PPIP5K2: variants seen among roughly 807,000 people sequenced by gnomAD.
PPIP5K2 encodes the protein inositol hexakisphosphate and diphosphoinositol-pentakisphosphate kinase 2.
In PPIP5K2, 105 loss-of-function variants were observed where a neutral mutation model predicts 154.6. The observed-to-expected ratio is 0.68, with a 90% CI of 0.58 to 0.80. PPIP5K2 has a LOEUF of 0.80. Ranked by LOEUF, PPIP5K2 falls within the 30% of genes least tolerant of loss-of-function variation. The pLI is 0.00. For synonymous variants in PPIP5K2, 480 were observed against 490.3 expected (o/e 0.98, Z 0.28); for missense variants, 992 against 1,504.6 (o/e 0.66, Z 5.64).
chr5:103,152,662 G>A lies in PPIP5K2; in HGVS notation c.1043G>A (p.Arg348Gln). ...CAKILGNIVM[R>Q]ELAPQFHIPW... The stretch of plus-strand genomic sequence containing the variant: ...TTGTCTTGAAGAAATATTGTAATGC[G>A]AGAACTTGCTCCACAATTTCATATT... Residue 348 changes from arginine (R) to glutamine (Q), a missense_variant, in exon 10 of 31, where the codon CGA (arginine) becomes CAA (glutamine). Physicochemically the swap from Arg to Gln is conservative, Grantham distance 43. This residue lies in a region of PPIP5K2 where 163 missense variants were observed against 285.2 expected (regional missense o/e 0.57). Coordinates refer to ENST00000358359, the MANE Select transcript of PPIP5K2 (RefSeq NM_001276277.3). 1.3e-6 allele frequency: 2 copies of A among 1,589,434 alleles called. No homozygotes were observed. The highest frequency in any genetic ancestry group is 1.7e-6 in the Non-Finnish European group (2 of 1,158,896).
At chr5:103,197,322 T>G (rs1802242429) in intron 30 of PPIP5K2, among the ~76,000 whole-genome samples, 1 of 152,072 alleles carries the variant, frequency 6.6e-6, no homozygotes, top group Non-Finnish European at 1.5e-5. Context: ...GTTTCCTTTT[T>G]GTGATACTTT....
At chr5:103,181,517 G>A (rs1194697428) in intron 24 of PPIP5K2, among the ~76,000 whole-genome samples, 1 of 151,846 alleles carries the variant, frequency 6.6e-6, no homozygotes, top group East Asian at 1.9e-4. Flanking sequence ...GCAGTGAGCC[G>A]AGACCACCCC....
At chr5:103,167,350 A>G in intron 18 of PPIP5K2, 30 bp downstream of exon 18, 1 of 1,483,756 alleles carries the variant, frequency 6.7e-7, no homozygotes. Context: ...AGCATAGAAC[A>G]AATAAAAGTT....
At chr5:103,174,090 T>C (rs1329182410) in intron 21 of PPIP5K2, 118 bp downstream of exon 21, 2 of 781,402 alleles carry the variant, frequency 2.6e-6, no homozygotes, top group African/African-American at 3.5e-5. Context: ...CTACTTAATG[T>C]CGTCTTTCAA....
Position 103,202,457 on chromosome 5 carries a change from A to G in PPIP5K2, c.*823A>G, listed in dbSNP as rs1284143467. Reference sequence around the variant, plus strand: ...TTCAGAGTTCTTTTTAGATCTAAAGAAGTCAGTTCAAAAATGGAAATCAAC... The same window carrying G: ...TTCAGAGTTCTTTTTAGATCTAAAGGAGTCAGTTCAAAAATGGAAATCAAC... On this transcript the variant is annotated 3_prime_UTR_variant, in exon 31 of 31. Coordinates refer to ENST00000358359, the MANE Select transcript of PPIP5K2 (RefSeq NM_001276277.3). The G allele has an allele frequency of 1.3e-5, 2 of 152,130 alleles. No individual in the cohort carries two copies. Among genetic ancestry groups the G allele is most frequent in the Non-Finnish European group, 2.9e-5 (2 of 68,002 alleles). The allele number at this position is 152,130 out of a possible 1,614,324, so 9.4% of individuals were successfully genotyped here.
chr5:103,158,994 TA>T (rs1173397903), intron 16 of PPIP5K2, 151 bp from the exon 17 acceptor site: 4 of 621,868 alleles, frequency 6.4e-6, no homozygotes, highest in African/African-American at 5.8e-5. Flanking sequence ...AACTTTCAAG[TA>T]AAACTCTAAA....
At chr5:103,152,588 A>T in intron 9 of PPIP5K2, 60 bp from the exon 10 acceptor site, 1 of 997,430 alleles carries the variant, frequency 1.0e-6, no homozygotes, top group Non-Finnish European at 1.6e-6. Context: ...CATCCTCATT[A>T]AGTACCCAGT....
At chr5:103,131,463 T>A (rs1554202670) in intron 2 of PPIP5K2, among the ~76,000 whole-genome samples, 1 of 152,132 alleles carries the variant, frequency 6.6e-6, no homozygotes, top group African/African-American at 2.4e-5. Flanking sequence ...CAATACATGA[T>A]TAATTGAATC....
chr5:103,181,574 A>G (rs139316374), intron 24 of PPIP5K2, among the ~76,000 whole-genome samples: 1 of 152,026 alleles, frequency 6.6e-6, no homozygotes, highest in African/African-American at 2.4e-5. Flanking sequence ...TCTGTCTCAA[A>G]AAATAAATAA....
In PPIP5K2 at chr5:103,133,664, G is replaced by C. The variant is rs782499823; in HGVS notation, c.310+16G>C. The C allele has an allele frequency of 4.5e-6, 7 of 1,543,502 alleles. No individual in the cohort carries two copies. In the African/African-American group the frequency reaches 8.4e-5, roughly 19 times the overall value. On this transcript the variant is annotated intron_variant, in intron 3 of 30. Coordinates refer to ENST00000358359, the MANE Select transcript of PPIP5K2 (RefSeq NM_001276277.3). ...CATTCTAAAGGTATTAAGGGGAGTGGGGGAGAAACTCCTTTATCCTCTCTG... is the reference window on the plus strand; with the variant it reads ...CATTCTAAAGGTATTAAGGGGAGTGCGGGAGAAACTCCTTTATCCTCTCTG...
chr5:103,171,871 C>T (rs1798030424), intron 19 of PPIP5K2, among the ~76,000 whole-genome samples: 1 of 151,578 alleles, frequency 6.6e-6, no homozygotes, highest in African/African-American at 2.4e-5. Flanking sequence ...GCATAAAGAA[C>T]TTCTTTCCAT....
intron 7 of PPIP5K2, among the ~76,000 whole-genome samples, chr5:103,148,472 A>T (rs1363949281): frequency 6.6e-6 from 1 of 152,142 alleles, no homozygotes. Context: ...GTTGGTGACA[A>T]ATAGGTCTTA....
At chr5:103,136,675 A>C (rs1791557689) in intron 3 of PPIP5K2, 57 bp from the exon 4 acceptor site, 7 of 1,364,594 alleles carry the variant, frequency 5.1e-6, no homozygotes, top group Non-Finnish European at 7.3e-6. Flanking sequence ...CAAGTTAATA[A>C]AGTATAGATG....
At chr5:103,165,129 A>G (rs546638666) in intron 17 of PPIP5K2, among the ~76,000 whole-genome samples, 1 of 152,250 alleles carries the variant, frequency 6.6e-6, no homozygotes, top group South Asian at 2.1e-4. Context: ...GAGTCAGCAG[A>G]TTGTCATCAA....
intron 24 of PPIP5K2, among the ~76,000 whole-genome samples, chr5:103,182,689 T>C (rs1799728385): frequency 6.6e-6 from 1 of 152,138 alleles, no homozygotes; most frequent in Admixed American, 6.5e-5. Context: ...ACAGGTGCAA[T>C]TTGAGTCCAT....
intron 2 of PPIP5K2, among the ~76,000 whole-genome samples, chr5:103,132,346 C>T (rs1440442731): frequency 6.6e-6 from 1 of 152,058 alleles, no homozygotes; most frequent in Non-Finnish European, 1.5e-5. Context: ...TCGAGACCAT[C>T]CTGGCTAACA....
At chr5:103,152,999 A>AT in intron 10 of PPIP5K2, among the ~76,000 whole-genome samples, 1 of 151,966 alleles carries the variant, frequency 6.6e-6, no homozygotes, top group Admixed American at 6.5e-5. Flanking sequence ...AAAGGTACCA[A>AT]TAGGAATGTT....
At chr5:103,167,121 G>A in intron 17 of PPIP5K2, 58 bp from the exon 18 acceptor site, 2 of 1,300,604 alleles carry the variant, frequency 1.5e-6, no homozygotes, top group East Asian at 5.1e-5. Flanking sequence ...TATATATATT[G>A]TTCTCTTAGA....
Position 103,161,228 on chromosome 5 carries a change from C to T in PPIP5K2, c.1920+1900C>T, listed in dbSNP as rs182895209. Among the ~76,000 whole-genome samples, 1,106 of 150,052 alleles carry T rather than the reference C, an allele frequency of 7.4e-3. 8 individuals carry two copies. Among genetic ancestry groups the T allele is most frequent in the Non-Finnish European group, 0.013 (854 of 67,788 alleles). ...TGCGGTGTTTGGTTTTTTGTCCTTTCGATAGTTTGCTGAGAATGATGGTTT... is the reference window on the plus strand; with the variant it reads ...TGCGGTGTTTGGTTTTTTGTCCTTTTGATAGTTTGCTGAGAATGATGGTTT... On this transcript the variant is annotated intron_variant, in intron 17 of 30. Coordinates refer to ENST00000358359, the MANE Select transcript of PPIP5K2 (RefSeq NM_001276277.3).
Sources: allele counts gnomAD v4.1 joint callset (sites outside exome capture counted in the v4.1 genomes callset), GRCh38; gene constraint gnomAD v4.1.1; regional missense constraint gnomAD v4.1.1; transcripts MANE v1.5; gene names NCBI Gene and HGNC (gene_info 2026-07-23, HGNC 2026-07-21).